The following ANK2 variants were observed in gnomAD, a reference collection of about 807,000 sequenced individuals.
ANK2 encodes the protein ankyrin-2.
Under a neutral mutation model 360.5 loss-of-function variants are expected in ANK2, and 83 were observed. That is an observed-to-expected ratio of 0.23 (90% CI 0.19 to 0.28). The LOEUF (loss-of-function observed/expected upper bound fraction) is 0.28, where lower values mean the gene tolerates loss of function less well. Ranked by LOEUF, ANK2 falls within the 10% of genes least tolerant of loss-of-function variation. The pLI is 1.00. For synonymous variants in ANK2, 1,740 were observed against 1,759.5 expected, an observed-to-expected ratio of 0.99 and a Z score of 0.28; for missense variants, 4,201 against 4,795.7, an observed-to-expected ratio of 0.88 and a Z score of 3.66.
At chr4:113,281,215 AG>A (rs1463083479) in intron 17 of ANK2, among the ~76,000 whole-genome samples, 1 of 152,150 alleles carries the variant, frequency 6.6e-6, no homozygotes, top group Non-Finnish European at 1.5e-5. Context: ...TACACTTTGC[AG>A]TTAGCTTTAA....
chr4:112,885,261 G>A (rs2077938797), intron 1 of ANK2, among the ~76,000 whole-genome samples: 1 of 151,822 alleles, frequency 6.6e-6, no homozygotes, highest in Non-Finnish European at 1.5e-5. Context: ...AGCACTTTGG[G>A]AGGCTGAGGC....
intron 1 of ANK2, among the ~76,000 whole-genome samples, chr4:113,116,699 G>GGCAGCAGCA (rs370654108): frequency 6.6e-6 from 1 of 151,752 alleles, no homozygotes; most frequent in African/African-American, 2.4e-5. Context: ...GCAGTAGCAC[G>GGCAGCAGCA]GCAGCAGCAG....
intron 2 of ANK2, among the ~76,000 whole-genome samples, chr4:113,180,249 C>A (rs1352039659): frequency 2.6e-5 from 4 of 152,184 alleles, no homozygotes; most frequent in Non-Finnish European, 5.9e-5. Context: ...GTTTTCCCCA[C>A]TTACCAGCTG....
At chr4:113,299,705 CAAAAA>C (rs869269685) in intron 22 of ANK2, among the ~76,000 whole-genome samples, 1 of 75,072 alleles carries the variant, frequency 1.3e-5, no homozygotes. Flanking sequence ...AACGACATCT[CAAAAA>C]AAAAAAAAAA....
Position 112,868,722 on chromosome 4 carries a change from A to G in ANK2, c.-39-35733A>G, listed in dbSNP as rs187059563. On this transcript the variant is annotated intron_variant, in intron 1 of 30. Coordinates refer to the ANK2 transcript ENST00000503271. ...TTTAAAAAATTAGGGTATAATTGAC[A>G]AAATGAAAATGAGATATATTTACAG... Among the ~76,000 whole-genome samples, 339 of 152,322 alleles carry G rather than the reference A, an allele frequency of 2.2e-3. 2 individuals carry two copies. The highest frequency in any genetic ancestry group is 8.0e-3 in the African/African-American group (331 of 41,574).
At chr4:112,932,230 G>A (rs1238742712) in intron 2 of ANK2, among the ~76,000 whole-genome samples, 1 of 152,142 alleles carries the variant, frequency 6.6e-6, no homozygotes, top group African/African-American at 2.4e-5. Flanking sequence ...GTTGGCTTAT[G>A]CCTGTAATCC....
the ANK2 span, among the ~76,000 whole-genome samples, chr4:112,759,510 C>G: frequency 2.6e-5 from 4 of 152,074 alleles, no homozygotes; most frequent in South Asian, 6.2e-4. Context: ...TGTTTTCAGA[C>G]TATAAGAATA....
At chr4:112,882,713 T>A (rs543320829) in intron 1 of ANK2, among the ~76,000 whole-genome samples, 3,476 of 148,666 alleles carry the variant, frequency 0.023, 118 homozygotes, top group African/African-American at 0.075. Flanking sequence ...TTTTTTTTTT[T>A]AAAATGAAGC....
At chr4:112,741,278 C>A in the ANK2 span, among the ~76,000 whole-genome samples, 1 of 152,166 alleles carries the variant, frequency 6.6e-6, no homozygotes, top group African/African-American at 2.4e-5. Context: ...ATTAGGTCAA[C>A]TCCCTTTGAT....
rs115866252 is a variant in ANK2, at chr4:112,995,428, A to C, written c.21+90914A>C. On this transcript the variant is annotated intron_variant, in intron 2 of 30. Coordinates refer to the ANK2 transcript ENST00000503271. ...TTTGAGAAGTGTATTCATGTCCTTTACTCTGTTTTTAATAGGGTTATTTGT... is the reference window on the plus strand; with the variant it reads ...TTTGAGAAGTGTATTCATGTCCTTTCCTCTGTTTTTAATAGGGTTATTTGT... 2.6e-5 allele frequency among the ~76,000 whole-genome samples: 4 copies of C among 151,554 alleles called. No homozygotes were observed. In the East Asian group the frequency reaches 7.8e-4, roughly 29 times the overall value.
intron 2 of ANK2, among the ~76,000 whole-genome samples, chr4:113,016,214 G>C (rs1579091886): frequency 6.6e-6 from 1 of 152,030 alleles, no homozygotes; most frequent in African/African-American, 2.4e-5. Context: ...TTTCCTAGTA[G>C]AGGGCAAGTT....
chr4:112,812,102 T>C, the ANK2 span, among the ~76,000 whole-genome samples: 1 of 144,402 alleles, frequency 6.9e-6, no homozygotes, highest in South Asian at 2.2e-4. Flanking sequence ...AAAAAAGAGC[T>C]ATGTGTTACG....
rs532782245 is a variant in ANK2 at position 113,102,437 on chromosome 4, T to C, written c.84+52625T>C. On this transcript the variant is annotated intron_variant, in intron 1 of 45. Transcript: ENST00000357077. ...AGAGGCTAGAACCAGAGATAGGAAC[T>C]TTGGATTGAGCACATATATGAGATT... 3.9e-5 allele frequency among the ~76,000 whole-genome samples: 6 copies of C among 152,076 alleles called. 1 individual carries two copies. In the South Asian group the frequency reaches 1.2e-3, roughly 32 times the overall value.
At chr4:112,825,441 A>G (rs2149581308) in intron 1 of ANK2, among the ~76,000 whole-genome samples, 1 of 152,338 alleles carries the variant, frequency 6.6e-6, no homozygotes, top group South Asian at 2.1e-4. Flanking sequence ...TTGTTGACAT[A>G]GTTAGATCCC....
chr4:113,135,521 C>G (rs927337471), intron 1 of ANK2, among the ~76,000 whole-genome samples: 6 of 148,014 alleles, frequency 4.1e-5, no homozygotes, highest in East Asian at 3.9e-4. Flanking sequence ...GTGTGTGTCT[C>G]TCTGTGTGTG....
chr4:112,923,255 A>G (rs1348235144), intron 2 of ANK2, among the ~76,000 whole-genome samples: 1 of 152,180 alleles, frequency 6.6e-6, no homozygotes, highest in Non-Finnish European at 1.5e-5. Context: ...ATAAAATTGA[A>G]GAGTTATTTT....
At chr4:113,101,791 T>G (rs2092887534) in intron 1 of ANK2, among the ~76,000 whole-genome samples, 1 of 152,120 alleles carries the variant, frequency 6.6e-6, no homozygotes, top group Admixed American at 6.6e-5. Flanking sequence ...TGGCTTGAGT[T>G]GGGAATGCAT....
chr4:112,966,481 T>G (rs1210381183), intron 2 of ANK2, among the ~76,000 whole-genome samples: 1 of 152,016 alleles, frequency 6.6e-6, no homozygotes, highest in Non-Finnish European at 1.5e-5. Context: ...ATACACATAC[T>G]TTTTAAAAGC....
At chr4:112,791,010 A>G in the ANK2 span, among the ~76,000 whole-genome samples, 1 of 152,210 alleles carries the variant, frequency 6.6e-6, no homozygotes, top group Non-Finnish European at 1.5e-5. Flanking sequence ...TATGGGAAGA[A>G]TTGTGAAAAT....
Sources: gnomAD v4.1 joint callset for allele counts (sites outside exome capture counted in the v4.1 genomes callset) on GRCh38, gnomAD v4.1.1 for gene constraint, MANE v1.5 for transcripts, NCBI Gene and HGNC (gene_info 2026-07-23, HGNC 2026-07-21) for gene names.